AFAP1L1: variants seen among roughly 807,000 people sequenced by gnomAD.
The protein encoded by AFAP1L1 is actin filament-associated protein 1-like 1.
Under a neutral mutation model 99.8 loss-of-function variants are expected in AFAP1L1, and 77 were observed. The observed-to-expected ratio is 0.77, with a 90% CI of 0.64 to 0.93. AFAP1L1 has a LOEUF of 0.93. Among genes scored for constraint, AFAP1L1 ranks in the 40% least tolerant of loss-of-function variants. The pLI, the probability that AFAP1L1 is intolerant of heterozygous loss-of-function variation, is 0.00. For missense variants in AFAP1L1, 893 were observed against 996.8 expected (o/e 0.90, Z 1.40); for synonymous variants, 373 against 395.3 (o/e 0.94, Z 0.67).
chr5:149,338,357 T>C (rs140570018), intron 18 of AFAP1L1, among the ~76,000 whole-genome samples: 3 of 151,938 alleles, frequency 2.0e-5, no homozygotes, highest in African/African-American at 7.2e-5. Context: ...AGCTACTCCA[T>C]AGGCTGAGGT....
At chr5:149,278,305 G>A (rs1050036359) in intron 1 of AFAP1L1, among the ~76,000 whole-genome samples, 2 of 152,154 alleles carry the variant, frequency 1.3e-5, no homozygotes, top group East Asian at 1.9e-4. Context: ...ACCTCCTGCA[G>A]CCTTGCTTCC....
intron 1 of AFAP1L1, among the ~76,000 whole-genome samples, chr5:149,293,202 T>C (rs535665470): frequency 6.6e-6 from 1 of 152,334 alleles, no homozygotes; most frequent in South Asian, 2.1e-4. Context: ...CATCAGTTCA[T>C]TTCATCTTCA....
At chr5:149,318,262 CT>C (rs1756855785) in intron 12 of AFAP1L1, among the ~76,000 whole-genome samples, 2 of 152,270 alleles carry the variant, frequency 1.3e-5, no homozygotes, top group Non-Finnish European at 2.9e-5. Context: ...ACAAAACATT[CT>C]GTATTTTTAT....
intron 18 of AFAP1L1, 31 bp from the exon 19 acceptor site, chr5:149,339,976 A>G (rs1757517083): frequency 2.5e-6 from 4 of 1,613,508 alleles, no homozygotes; most frequent in Admixed American, 3.3e-5. Context: ...CCATTCAGCA[A>G]ATTGATTTGT....
chr5:149,309,594 C>T (rs1234412680), intron 7 of AFAP1L1, among the ~76,000 whole-genome samples: 3 of 152,204 alleles, frequency 2.0e-5, no homozygotes, highest in African/African-American at 2.4e-5. Context: ...AACCCTCCAT[C>T]GCTGTTAGAA....
intron 15 of AFAP1L1, among the ~76,000 whole-genome samples, chr5:149,323,537 CAG>C (rs1757014721): frequency 6.6e-6 from 1 of 152,268 alleles, no homozygotes; most frequent in African/African-American, 2.4e-5. Flanking sequence ...TGCATCTCAA[CAG>C]AGTCAAGTTC....
intron 7 of AFAP1L1, 147 bp from the exon 8 acceptor site, chr5:149,309,809 A>T: frequency 1.0e-6 from 1 of 979,086 alleles, no homozygotes; most frequent in Non-Finnish European, 1.5e-6. Flanking sequence ...TGGACCCTTC[A>T]GCTATCCTCA....
At chr5:149,284,432 A>G (rs1755617162) in intron 1 of AFAP1L1, among the ~76,000 whole-genome samples, 1 of 152,230 alleles carries the variant, frequency 6.6e-6, no homozygotes, top group Non-Finnish European at 1.5e-5. Flanking sequence ...ATGAGGGCTC[A>G]TTGGATTCAT....
At position 149,310,040 on chromosome 5, in the gene AFAP1L1, C is replaced by T. The variant is rs368271604; in HGVS notation, c.832C>T (p.Arg278Trp). The change falls in exon 8 of 19, where the codon CGG becomes TGG. Residue 278 changes from arginine (R) to tryptophan (W), a missense_variant. Arg to Trp is a moderately radical substitution (Grantham distance 101). Transcript: ENST00000296721. Reference sequence around the variant, plus strand: ...CATCATCTACGTGCCCAAGGACAGCCGGCACAAGAGGCACGAGCTGCGTTT... The same window carrying T: ...CATCATCTACGTGCCCAAGGACAGCTGGCACAAGAGGCACGAGCTGCGTTT... ...CSIIYVPKDS[R>W]HKRHELRFTQ... The T allele has an allele frequency of 2.8e-5, 45 of 1,614,042 alleles. No individual in the cohort carries two copies. Among genetic ancestry groups the T allele is most frequent in the Admixed American group, 3.3e-5 (2 of 60,008 alleles).
chr5:149,273,071 A>G (rs985650306), intron 1 of AFAP1L1, among the ~76,000 whole-genome samples: 3 of 151,640 alleles, frequency 2.0e-5, no homozygotes, highest in Middle Eastern at 6.8e-3. Flanking sequence ...GTGTGTCTGT[A>G]AAGAAGTGGC....
chr5:149,289,575 G>A (rs1050198978), intron 1 of AFAP1L1, among the ~76,000 whole-genome samples: 1 of 152,170 alleles, frequency 6.6e-6, no homozygotes, highest in Admixed American at 6.5e-5. Flanking sequence ...TCCAACCAGT[G>A]CCGTCTCCTT....
intron 18 of AFAP1L1, among the ~76,000 whole-genome samples, chr5:149,338,190 G>C (rs1757460298): frequency 6.6e-6 from 1 of 152,210 alleles, no homozygotes; most frequent in Non-Finnish European, 1.5e-5. Flanking sequence ...GCCAGGCACA[G>C]TGGCTCACAC....
chr5:149,306,400 C>T lies in AFAP1L1; in HGVS notation c.531C>T (p.Ser177=). 1.2e-6 allele frequency: 2 copies of T among 1,609,820 alleles called. No homozygotes were observed. The highest frequency in any genetic ancestry group is 1.7e-6 in the Non-Finnish European group (2 of 1,177,854). ...CCAGGGTGAACGGCGAGCTTAAGAG[C>T]TCCTGTAAGTACCAGGTGGGCGTCC... ...PATRVNGELK[S]SYNDSDAMSS... Residue 177 remains serine, a synonymous_variant, in exon 6 of 19, where the codon AGC becomes AGT. Coordinates refer to ENST00000296721, the MANE Select transcript of AFAP1L1 (RefSeq NM_152406.4).
intron 4 of AFAP1L1, among the ~76,000 whole-genome samples, chr5:149,302,085 C>T (rs1254131346): frequency 1.3e-5 from 2 of 152,192 alleles, no homozygotes; most frequent in East Asian, 1.9e-4. Flanking sequence ...TACTGCACCT[C>T]GTGTGTGTGT....
intron 1 of AFAP1L1, among the ~76,000 whole-genome samples, chr5:149,278,551 C>A (rs1233822268): frequency 6.6e-6 from 1 of 152,196 alleles, no homozygotes; most frequent in African/African-American, 2.4e-5. Context: ...CTCCAGGAAG[C>A]CTTTTCTGCC....
intron 17 of AFAP1L1, 121 bp from the exon 18 acceptor site, chr5:149,335,469 CAGAG>C: frequency 7.7e-7 from 1 of 1,302,368 alleles, no homozygotes; most frequent in East Asian, 2.6e-5. Context: ...GCCTGGGTGA[CAGAG>C]ACTCTGTCTC....
At chr5:149,309,794 C>A (rs2127596726) in intron 7 of AFAP1L1, among the ~76,000 whole-genome samples, 162 bp from the exon 8 acceptor site, 1 of 152,324 alleles carries the variant, frequency 6.6e-6, no homozygotes, top group East Asian at 1.9e-4. Context: ...CCAGGGTGAA[C>A]AGCCTGGACC....
chr5:149,336,531 G>A (rs1757412890), intron 18 of AFAP1L1, among the ~76,000 whole-genome samples: 1 of 152,216 alleles, frequency 6.6e-6, no homozygotes, highest in African/African-American at 2.4e-5. Flanking sequence ...GAGTTTGGGA[G>A]GCCGAGAAGT....
At chr5:149,296,476 C>CGTGGCT (rs1756021366) in intron 1 of AFAP1L1, among the ~76,000 whole-genome samples, 1 of 152,202 alleles carries the variant, frequency 6.6e-6, no homozygotes, top group African/African-American at 2.4e-5. Flanking sequence ...GAATGTGAGT[C>CGTGGCT]GTGGCTGCAG....
Sources: gnomAD v4.1 joint callset for allele counts (sites outside exome capture counted in the v4.1 genomes callset) on GRCh38, gnomAD v4.1.1 for gene constraint, MANE v1.5 for transcripts, NCBI Gene and HGNC (gene_info 2026-07-23, HGNC 2026-07-21) for gene names.